The following NPRL3 variants were observed in gnomAD, a reference collection of about 807,000 sequenced individuals.
The protein encoded by NPRL3 is NPR3 like, GATOR1 complex subunit.
NPRL3 carries 23 observed loss-of-function variants against 57.2 expected under a neutral mutation model. The observed-to-expected ratio is 0.40, with a 90% CI of 0.29 to 0.57. The LOEUF (loss-of-function observed/expected upper bound fraction) is 0.57. Among genes scored for constraint, NPRL3 ranks in the 20% least tolerant of loss-of-function variants. NPRL3 has a pLI of 0.42. For synonymous variants in NPRL3, 333 were observed against 321.1 expected, an observed-to-expected ratio of 1.04 and a Z score of -0.39; for missense variants, 691 against 767.1, an observed-to-expected ratio of 0.90 and a Z score of 1.17.
At chr16:103,294 T>A (rs371139193) in intron 7 of NPRL3, among the ~76,000 whole-genome samples, 1 of 75,658 alleles carries the variant, frequency 1.3e-5, no homozygotes, top group African/African-American at 5.0e-5. Context: ...ACGCCTGGGG[T>A]GATTTTTTTT....
At chr16:106,433 G>C (rs954709699) in intron 7 of NPRL3, among the ~76,000 whole-genome samples, 4 of 152,042 alleles carry the variant, frequency 2.6e-5, no homozygotes, top group Non-Finnish European at 5.9e-5. Context: ...AGGAATTCAA[G>C]ATCAGCCAGG....
chr16:138,308 G>T lies in NPRL3; in HGVS notation c.-41C>A. On this transcript the variant is annotated 5_prime_UTR_variant, in exon 2 of 14. Coordinates refer to ENST00000611875, the MANE Select transcript of NPRL3 (RefSeq NM_001077350.3). ...GGGCCGGGGGCGGAGGGGGCCAGAG[G>T]AGGACGGAGCCGGAGGCGGAGGGGG... 1 of 953,198 alleles carries T rather than the reference G, an allele frequency of 1.0e-6. No homozygotes were observed. The highest frequency in any genetic ancestry group is 6.1e-5 in the East Asian group (1 of 16,362). The allele number at this position is 953,198 out of a possible 1,614,324, so 59.0% of individuals were successfully genotyped here.
intron 5 of NPRL3, 25 bp downstream of exon 5, chr16:117,276 C>G (rs1338108019): frequency 6.5e-7 from 1 of 1,546,278 alleles, no homozygotes; most frequent in Non-Finnish European, 8.9e-7. Flanking sequence ...ACTCCCTGAT[C>G]TTAACCATTT....
chr16:104,329 C>A (rs1210418653), intron 7 of NPRL3, among the ~76,000 whole-genome samples: 3 of 151,956 alleles, frequency 2.0e-5, no homozygotes, highest in African/African-American at 7.3e-5. Flanking sequence ...AAAAAAGACA[C>A]CTAATTGTAA....
chr16:91,888 G>C lies in NPRL3; in HGVS notation c.1161+708C>G, dbSNP rs549061677. ...TCTGCCCAGAACTCAGTGGAGGGGA[G>C]GATGGCAAAGCCACCTCAGCACAAG... On this transcript the variant is annotated intron_variant, in intron 11 of 13. Coordinates refer to ENST00000611875, the MANE Select transcript of NPRL3 (RefSeq NM_001077350.3). 2.4e-4 allele frequency among the ~76,000 whole-genome samples: 36 copies of C among 152,292 alleles called. No homozygotes were observed. In the East Asian group the frequency reaches 5.8e-3, roughly 24 times the overall value.
At chr16:135,042 G>C (rs1409997511) in intron 2 of NPRL3, among the ~76,000 whole-genome samples, 1 of 152,184 alleles carries the variant, frequency 6.6e-6, no homozygotes, top group African/African-American at 2.4e-5. Flanking sequence ...TAGATCATTG[G>C]AGGAGATAAG....
chr16:120,075 G>A (rs910928885), intron 3 of NPRL3, among the ~76,000 whole-genome samples: 1 of 152,204 alleles, frequency 6.6e-6, no homozygotes, highest in Non-Finnish European at 1.5e-5. Flanking sequence ...CAGGGGTGCT[G>A]TGGGTGGTGC....
intron 8 of NPRL3, among the ~76,000 whole-genome samples, 158 bp from the exon 9 acceptor site, chr16:98,459 C>T (rs184730643): frequency 8.4e-4 from 127 of 151,914 alleles, no homozygotes; most frequent in Admixed American, 2.1e-3. Context: ...CTCAAACACA[C>T]GGAACATACG....
chr16:114,286 G>C (rs1450969694), intron 5 of NPRL3, among the ~76,000 whole-genome samples: 2 of 152,176 alleles, frequency 1.3e-5, no homozygotes, highest in African/African-American at 4.8e-5. Flanking sequence ...AGCATGTCCG[G>C]TTTGCAAAGG....
intron 9 of NPRL3, among the ~76,000 whole-genome samples, chr16:93,687 T>A (rs553978921): frequency 2.3e-3 from 347 of 151,126 alleles, no homozygotes; most frequent in African/African-American, 8.0e-3. Flanking sequence ...TGCCTCAGCC[T>A]CCTGAGTAGC....
At chr16:111,381 C>T (rs537417884) in intron 6 of NPRL3, among the ~76,000 whole-genome samples, 89 of 151,982 alleles carry the variant, frequency 5.9e-4, no homozygotes, top group African/African-American at 2.1e-3. Flanking sequence ...GCCTGGGTGA[C>T]AGAGGAAAAA....
chr16:94,083 G>GC (rs56393781), intron 9 of NPRL3, among the ~76,000 whole-genome samples: 152,018 of 152,026 alleles, frequency 1, 76,005 homozygotes, highest in Non-Finnish European at 1. Context: ...GCATGGCCTT[G>GC]CCCGATGATG....
At chr16:133,337 G>A (rs981855569) in intron 2 of NPRL3, among the ~76,000 whole-genome samples, 1 of 152,066 alleles carries the variant, frequency 6.6e-6, no homozygotes, top group Non-Finnish European at 1.5e-5. Context: ...CAATTCTCCC[G>A]TCTCAGCCTC....
intron 2 of NPRL3, among the ~76,000 whole-genome samples, chr16:134,238 C>A (rs948247385): frequency 6.6e-6 from 1 of 152,042 alleles, no homozygotes; most frequent in Non-Finnish European, 1.5e-5. Flanking sequence ...TACACACACA[C>A]ACACACCCCC....
At chr16:109,220 G>C (rs1899672095) in intron 7 of NPRL3, among the ~76,000 whole-genome samples, 1 of 152,048 alleles carries the variant, frequency 6.6e-6, no homozygotes, top group South Asian at 2.1e-4. Flanking sequence ...CCGCCCCTCA[G>C]CCTCCCAAAG....
intron 3 of NPRL3, 41 bp downstream of exon 3, chr16:130,481 C>T (rs1423338985): frequency 1.3e-6 from 2 of 1,533,466 alleles, no homozygotes; most frequent in Admixed American, 2.0e-5. Flanking sequence ...AGGCCTGGGA[C>T]CAGGACACGC....
At chr16:86,897 C>G in intron 13 of NPRL3, 27 bp from the exon 14 acceptor site, 1 of 1,602,108 alleles carries the variant, frequency 6.2e-7, no homozygotes, top group Non-Finnish European at 8.5e-7. Context: ...GGTGTGAGCC[C>G]AACCTGACAC....
intron 12 of NPRL3, 113 bp from the exon 13 acceptor site, chr16:89,003 T>C (rs1407341988): frequency 1.1e-6 from 1 of 946,806 alleles, no homozygotes; most frequent in Non-Finnish European, 1.6e-6. Flanking sequence ...CTACAAGGGT[T>C]AGGGTACATC....
chr16:119,986 C>G (rs28403605), intron 3 of NPRL3, among the ~76,000 whole-genome samples: 4 of 152,150 alleles, frequency 2.6e-5, no homozygotes, highest in African/African-American at 9.7e-5. Context: ...TTTTCAAGGT[C>G]ATCTGTGCCC....
Sources: allele counts gnomAD v4.1 joint callset (sites outside exome capture counted in the v4.1 genomes callset), GRCh38; gene constraint gnomAD v4.1.1; transcripts MANE v1.5; gene names NCBI Gene and HGNC (gene_info 2026-07-23, HGNC 2026-07-21).